The following TSPAN18 variants were observed in gnomAD, a reference collection of about 807,000 sequenced individuals.
TSPAN18 encodes tetraspanin 18, also known as tetraspanin-18.
Under a neutral mutation model 27.3 loss-of-function variants are expected in TSPAN18, and 14 were observed. The ratio of observed to expected loss-of-function variants is 0.51; its 90% CI spans 0.34 to 0.80. The LOEUF (loss-of-function observed/expected upper bound fraction) is 0.80, where lower values mean the gene tolerates loss of function less well. Among genes scored for constraint, TSPAN18 ranks in the 30% least tolerant of loss-of-function variants. The pLI, the probability that TSPAN18 is intolerant of heterozygous loss-of-function variation, is 0.01. For synonymous variants in TSPAN18, 143 were observed against 136.5 expected (o/e 1.05, Z -0.33); for missense variants, 268 against 323.9 (o/e 0.83, Z 1.32).
At chr11:44,829,382 T>C (rs1857109490) in intron 2 of TSPAN18, among the ~76,000 whole-genome samples, 1 of 152,220 alleles carries the variant, frequency 6.6e-6, no homozygotes, top group South Asian at 2.1e-4. Context: ...CACTAGTCTT[T>C]TTACACTCAT....
At chr11:44,892,076 G>A (rs1858869092) in intron 3 of TSPAN18, among the ~76,000 whole-genome samples, 3 of 152,134 alleles carry the variant, frequency 2.0e-5, no homozygotes, top group Admixed American at 2.0e-4. Flanking sequence ...AAGGCTGTGG[G>A]AGGCTGCGGG....
At chr11:44,878,986 G>A (rs1277886415) in intron 3 of TSPAN18, among the ~76,000 whole-genome samples, 1 of 152,170 alleles carries the variant, frequency 6.6e-6, no homozygotes, top group Non-Finnish European at 1.5e-5. Context: ...CCCCAGGGCT[G>A]GCTTCACAGC....
chr11:44,879,277 T>C (rs571936560), intron 3 of TSPAN18, among the ~76,000 whole-genome samples: 15 of 152,112 alleles, frequency 9.9e-5, no homozygotes, highest in African/African-American at 3.6e-4. Flanking sequence ...CCTTCCTCCT[T>C]CTTCTTTCCC....
At chr11:44,726,475 G>GC, upstream of TSPAN18, 1 of 152,354 alleles carries the variant, frequency 6.6e-6, no homozygotes, top group East Asian at 1.9e-4. Flanking sequence ...TTTCTTATCT[G>GC]CAAGTCAGAG....
chr11:44,748,272 C>T (rs1855129387), intron 1 of TSPAN18, among the ~76,000 whole-genome samples: 1 of 152,014 alleles, frequency 6.6e-6, no homozygotes, highest in Admixed American at 6.6e-5. Flanking sequence ...GCTGGGCACG[C>T]CTGTAATCCC....
intron 2 of TSPAN18, among the ~76,000 whole-genome samples, chr11:44,800,207 C>A (rs1349729341): frequency 1.3e-5 from 2 of 151,984 alleles, no homozygotes; most frequent in African/African-American, 4.8e-5. Context: ...ACAGCCTCTC[C>A]CCAGGGCACG....
chr11:44,820,592 T>A (rs1565164406), intron 2 of TSPAN18, among the ~76,000 whole-genome samples: 1 of 152,204 alleles, frequency 6.6e-6, no homozygotes, highest in Non-Finnish European at 1.5e-5. Flanking sequence ...CTTGGGATCC[T>A]CATCCATAAA....
intron 2 of TSPAN18, among the ~76,000 whole-genome samples, chr11:44,780,900 T>C (rs1855922975): frequency 6.6e-6 from 1 of 152,208 alleles, no homozygotes; most frequent in Non-Finnish European, 1.5e-5. Context: ...AAGGCTAGGG[T>C]GGGGACCCTG....
chr11:44,930,001 C>T lies in TSPAN18; in HGVS notation c.*823C>T, dbSNP rs1186261582. On this transcript the variant is annotated 3_prime_UTR_variant, in exon 10 of 10. Transcript: ENST00000520358. ...GAACTGCCTCCTCCCTGCTCTACAG[C>T]TAAGAAAACACCATTCCATGACTTC... The T allele has an allele frequency of 1.3e-5, 2 of 152,482 alleles. No homozygotes were observed. The highest frequency in any genetic ancestry group is 4.8e-5 in the African/African-American group (2 of 41,444). The allele number at this position is 152,482 out of a possible 1,614,324, so 9.4% of individuals were successfully genotyped here.
chr11:44,807,193 A>T lies in TSPAN18; in HGVS notation c.-153+42681A>T, dbSNP rs1422927369. On this transcript the variant is annotated intron_variant, in intron 2 of 9. Coordinates refer to ENST00000520358, the MANE Select transcript of TSPAN18 (RefSeq NM_130783.5). ...GCTAAGTAGCAAGACCCTGTCTCTTAAAAAAAAAAAAAAAAAAAAAAAAAA... is the reference window on the plus strand; with the variant it reads ...GCTAAGTAGCAAGACCCTGTCTCTTTAAAAAAAAAAAAAAAAAAAAAAAAA... Among the ~76,000 whole-genome samples, 4 of 3,926 alleles carry T rather than the reference A, an allele frequency of 1.0e-3. No individual in the cohort carries two copies. The East Asian group carries it at 0.017, about 17-fold the overall frequency. 2.6% of individuals were successfully genotyped at this position (3,926 alleles called of 152,430 possible).
In TSPAN18 at chr11:44,766,555, G is replaced by A. The variant is rs144495139; in HGVS notation, c.-153+2043G>A. On this transcript the variant is annotated intron_variant, in intron 2 of 9. Coordinates refer to ENST00000520358, the MANE Select transcript of TSPAN18 (RefSeq NM_130783.5). ...GGACGTTTCTCCATCAGGGGAAGTC[G>A]TGGGCCTCAAGCCTCGGTGTATAAG... Among the ~76,000 whole-genome samples, 16 of 152,304 alleles carry A rather than the reference G, an allele frequency of 1.1e-4. No homozygotes were observed. In the East Asian group the frequency reaches 1.7e-3, roughly 17 times the overall value.
intron 2 of TSPAN18, among the ~76,000 whole-genome samples, chr11:44,805,187 C>T (rs548160982): frequency 2.1e-4 from 32 of 152,198 alleles, no homozygotes; most frequent in African/African-American, 7.5e-4. Context: ...TTCATAAAGA[C>T]AAATCAATGC....
intron 2 of TSPAN18, among the ~76,000 whole-genome samples, chr11:44,795,647 C>T (rs906498086): frequency 5.9e-5 from 9 of 151,818 alleles, no homozygotes; most frequent in Admixed American, 1.3e-4. Context: ...TTACTCCTGC[C>T]GCTTCTGATT....
intron 2 of TSPAN18, among the ~76,000 whole-genome samples, chr11:44,838,964 C>T (rs1857315487): frequency 6.6e-6 from 1 of 152,188 alleles, no homozygotes. Context: ...ATCAAATCCT[C>T]ATCTAGGTAT....
At chr11:44,746,852 A>G (rs996738065) in intron 1 of TSPAN18, among the ~76,000 whole-genome samples, 1 of 152,212 alleles carries the variant, frequency 6.6e-6, no homozygotes, top group Non-Finnish European at 1.5e-5. Context: ...TCATTTGCCC[A>G]CTTCCCCCAC....
At chr11:44,867,547 C>T (rs939256462) in intron 3 of TSPAN18, among the ~76,000 whole-genome samples, 4 of 151,858 alleles carry the variant, frequency 2.6e-5, no homozygotes, top group Non-Finnish European at 4.4e-5. Context: ...TACAGGCATG[C>T]ACCACCACAT....
intron 1 of TSPAN18, among the ~76,000 whole-genome samples, chr11:44,735,362 C>T (rs1854766656): frequency 1.3e-5 from 2 of 152,362 alleles, no homozygotes; most frequent in Admixed American, 1.3e-4. Flanking sequence ...CTTAAAACAA[C>T]AGAAACTTAT....
intron 2 of TSPAN18, among the ~76,000 whole-genome samples, chr11:44,798,873 CTT>C (rs1856411041): frequency 6.6e-6 from 1 of 152,142 alleles, no homozygotes; most frequent in South Asian, 2.1e-4. Context: ...GCTTGACTGT[CTT>C]TTGTTTTTCT....
chr11:44,917,388 T>C (rs987477420), intron 5 of TSPAN18, among the ~76,000 whole-genome samples: 2 of 152,230 alleles, frequency 1.3e-5, no homozygotes, highest in Non-Finnish European at 2.9e-5. Flanking sequence ...AAGACTGTGT[T>C]AGATACCAAA....
Sources: allele counts gnomAD v4.1 joint callset (sites outside exome capture counted in the v4.1 genomes callset), GRCh38; gene constraint gnomAD v4.1.1; transcripts MANE v1.5; gene names NCBI Gene and HGNC (gene_info 2026-07-23, HGNC 2026-07-21).